CDH8: variants seen among roughly 807,000 people sequenced by gnomAD.
CDH8 encodes the protein cadherin-8.
A neutral mutation model predicts 68.1 loss-of-function variants in CDH8; 17 were observed. That is an observed-to-expected ratio of 0.25 (90% confidence interval 0.17 to 0.37). The LOEUF is 0.37. CDH8 is among the 10% of genes least tolerant of loss of function. The pLI is 1.00. For missense variants in CDH8, 763 were observed against 999.3 expected, an observed-to-expected ratio of 0.76 and a Z score of 3.19; for synonymous variants, 372 against 365.1, an observed-to-expected ratio of 1.02 and a Z score of -0.21.
chr16:61,981,685 C>T lies in CDH8; in HGVS notation c.252+39467G>A, dbSNP rs541508915. On this transcript the variant is annotated intron_variant, in intron 2 of 11. Transcript: ENST00000577390. Reference sequence around the variant, plus strand: ...GTGTGTGTGTGTGTGTGTGTGTGCGCGCGCGCGCGTGCGCTTGGGGCAGAA... The same window carrying T: ...GTGTGTGTGTGTGTGTGTGTGTGCGTGCGCGCGCGTGCGCTTGGGGCAGAA... Among the ~76,000 whole-genome samples, 295 of 139,210 alleles carry T rather than the reference C, an allele frequency of 2.1e-3. 1 individual carries two copies. Among genetic ancestry groups the T allele is most frequent in the African/African-American group, 7.2e-3 (279 of 38,634 alleles). 91.3% of individuals were successfully genotyped at this position (139,210 alleles called of 152,430 possible).
Position 61,960,005 on chromosome 16 carries a change from TATATATATATAC to T in CDH8, c.253-58544_253-58533del, listed in dbSNP as rs1482619996. On this transcript the variant is annotated intron_variant, in intron 2 of 11. Coordinates refer to ENST00000577390, the MANE Select transcript of CDH8 (RefSeq NM_001796.5). ...GTGTGTATATATATATATATATATA[TATATATATATAC>T]ACACATACACACACACACACAACAT... 4.1e-4 allele frequency among the ~76,000 whole-genome samples: 34 copies of T among 82,724 alleles called. 1 individual carries two copies. Among genetic ancestry groups the T allele is most frequent in the African/African-American group, 2.0e-3 (25 of 12,260 alleles). The allele number at this position is 82,724 out of a possible 152,430, so 54.3% of individuals were successfully genotyped here. A position where few individuals can be genotyped will look rare whatever the true frequency, so the allele number is the denominator to read the frequency against.
At chr16:61,929,421 T>C (rs1964506039) in intron 2 of CDH8, among the ~76,000 whole-genome samples, 1 of 152,158 alleles carries the variant, frequency 6.6e-6, no homozygotes, top group Non-Finnish European at 1.5e-5. Context: ...GCTAGGTGTT[T>C]TCATTCTCAA....
intron 4 of CDH8, among the ~76,000 whole-genome samples, chr16:61,827,359 A>G (rs762833186): frequency 2.0e-5 from 3 of 151,882 alleles, no homozygotes; most frequent in Admixed American, 6.6e-5. Flanking sequence ...GTTGTTCTCC[A>G]AGGAAGGCAG....
At chr16:61,955,510 C>T (rs1438693901) in intron 2 of CDH8, among the ~76,000 whole-genome samples, 3 of 152,148 alleles carry the variant, frequency 2.0e-5, no homozygotes, top group Non-Finnish European at 4.4e-5. Flanking sequence ...ATTTCTGAAT[C>T]GTGCTTTGGT....
intron 7 of CDH8, among the ~76,000 whole-genome samples, chr16:61,804,367 G>A (rs552074937): frequency 6.6e-6 from 1 of 152,030 alleles, no homozygotes; most frequent in East Asian, 1.9e-4. Flanking sequence ...GAGAAAGCAG[G>A]AAAGATCCAA....
At chr16:61,760,393 C>A (rs1271871977) in intron 8 of CDH8, among the ~76,000 whole-genome samples, 2 of 151,726 alleles carry the variant, frequency 1.3e-5, no homozygotes, top group Non-Finnish European at 2.9e-5. Flanking sequence ...GTCACTGCAA[C>A]CTCTGTCTCC....
chr16:61,834,914 C>T (rs753806928), intron 4 of CDH8, among the ~76,000 whole-genome samples: 4 of 151,840 alleles, frequency 2.6e-5, no homozygotes, highest in African/African-American at 4.8e-5. Context: ...GCAGCTGTGG[C>T]GTCCAAATCT....
At chr16:61,846,831 T>C (rs1962816092) in intron 4 of CDH8, among the ~76,000 whole-genome samples, 1 of 152,042 alleles carries the variant, frequency 6.6e-6, no homozygotes, top group African/African-American at 2.4e-5. Flanking sequence ...TACATTCCAC[T>C]GTAATAAATG....
intron 1 of CDH8, among the ~76,000 whole-genome samples, chr16:62,025,592 C>T (rs897216122): frequency 5.3e-5 from 8 of 152,120 alleles, no homozygotes; most frequent in African/African-American, 1.7e-4. Flanking sequence ...CCTGTCACAT[C>T]GTCTGTAGGG....
At chr16:61,728,943 TAA>T (rs1339902935) in intron 8 of CDH8, among the ~76,000 whole-genome samples, 1 of 151,192 alleles carries the variant, frequency 6.6e-6, no homozygotes, top group East Asian at 1.9e-4. Context: ...TGAGAAAAAT[TAA>T]AAGTGTCTTA....
intron 3 of CDH8, among the ~76,000 whole-genome samples, chr16:61,883,913 A>G (rs1015909972): frequency 1.3e-5 from 2 of 152,162 alleles, no homozygotes; most frequent in Non-Finnish European, 2.9e-5. Context: ...TGAGAGTTGA[A>G]AAAACATGAA....
intron 7 of CDH8, among the ~76,000 whole-genome samples, chr16:61,801,519 G>T (rs1024440638): frequency 4.6e-5 from 7 of 152,194 alleles, no homozygotes; most frequent in Admixed American, 1.3e-4. Context: ...GAGCGACGCA[G>T]AAGACGGGTG....
chr16:61,864,299 TTGGTTGG>T (rs1963210406), intron 3 of CDH8, among the ~76,000 whole-genome samples: 1 of 100,584 alleles, frequency 9.9e-6, no homozygotes. Context: ...GTCCGGTTGG[TTGGTTGG>T]TTGGTTGGTT....
intron 10 of CDH8, among the ~76,000 whole-genome samples, chr16:61,685,757 A>AGT (rs1964094525): frequency 6.6e-6 from 1 of 151,748 alleles, no homozygotes; most frequent in African/African-American, 2.4e-5. Context: ...CATCACTACT[A>AGT]CCCTTTCCTG....
At chr16:61,765,653 T>C (rs929956662) in intron 8 of CDH8, among the ~76,000 whole-genome samples, 1 of 152,074 alleles carries the variant, frequency 6.6e-6, no homozygotes, top group African/African-American at 2.4e-5. Flanking sequence ...AGAAATAACT[T>C]TATTGTTTTA....
intron 2 of CDH8, among the ~76,000 whole-genome samples, chr16:61,974,927 C>T (rs866417470): frequency 8.5e-5 from 13 of 152,194 alleles, no homozygotes; most frequent in South Asian, 4.1e-4. Flanking sequence ...GGGAGAAAAG[C>T]AAGGTTTTGT....
At position 61,899,356 on chromosome 16, in the gene CDH8, G is replaced by A. The variant is rs192052011; in HGVS notation, c.547+1823C>T. 1.6e-4 allele frequency among the ~76,000 whole-genome samples: 25 copies of A among 152,232 alleles called. No homozygotes were observed. The East Asian group carries it at 4.3e-3, about 26-fold the overall frequency. On this transcript the variant is annotated intron_variant, in intron 3 of 11. Transcript: ENST00000577390. Reference sequence around the variant, plus strand: ...ATATCCAGATGATAATGTTCATAAAGCAACTGACAATGTGGATTAACAGCT... The same window carrying A: ...ATATCCAGATGATAATGTTCATAAAACAACTGACAATGTGGATTAACAGCT...
At chr16:61,680,018 A>G (rs1963984449) in intron 10 of CDH8, among the ~76,000 whole-genome samples, 1 of 152,028 alleles carries the variant, frequency 6.6e-6, no homozygotes, top group South Asian at 2.1e-4. Flanking sequence ...AAAGCTGTCA[A>G]GTGAATGAAA....
chr16:61,699,426 A>C (rs1444556463), intron 10 of CDH8, among the ~76,000 whole-genome samples: 1 of 152,350 alleles, frequency 6.6e-6, no homozygotes, highest in South Asian at 2.1e-4. Flanking sequence ...AAGACACTGC[A>C]TTAAGAAATT....
Sources: gnomAD v4.1 joint callset for allele counts (sites outside exome capture counted in the v4.1 genomes callset) on GRCh38, gnomAD v4.1.1 for gene constraint, MANE v1.5 for transcripts, NCBI Gene and HGNC (gene_info 2026-07-23, HGNC 2026-07-21) for gene names.